The following ZFHX3 variants were observed in gnomAD, a reference collection of about 807,000 sequenced individuals.
ZFHX3 encodes the protein zinc finger homeobox protein 3.
A neutral mutation model predicts 279.1 loss-of-function variants in ZFHX3; 42 were observed. The observed-to-expected ratio is 0.15, with a 90% CI of 0.12 to 0.19. ZFHX3 has a LOEUF of 0.19. Among genes scored for constraint, ZFHX3 ranks in the 10% least tolerant of loss-of-function variants. The pLI is 1.00. For missense variants in ZFHX3, 4,981 were observed against 4,754.0 expected (o/e 1.05, Z -1.40); for synonymous variants, 2,293 against 1,957.8 (o/e 1.17, Z -4.52).
At chr16:73,650,449 C>G (rs557171783) in intron 2 of ZFHX3, among the ~76,000 whole-genome samples, 365 of 152,178 alleles carry the variant, frequency 2.4e-3, no homozygotes, top group African/African-American at 8.4e-3. Context: ...CCCTCCTTCA[C>G]TCTCAGGGGA....
chr16:72,880,284 C>G (rs894913327), intron 4 of ZFHX3, among the ~76,000 whole-genome samples: 1 of 152,236 alleles, frequency 6.6e-6, no homozygotes, highest in African/African-American at 2.4e-5. Context: ...ATAGACTGAA[C>G]TGTGGTCCTC....
chr16:73,214,902 G>C (rs913112756), intron 5 of ZFHX3, among the ~76,000 whole-genome samples: 1 of 116,620 alleles, frequency 8.6e-6, no homozygotes, highest in Non-Finnish European at 1.6e-5. Flanking sequence ...TCAGGGTGAA[G>C]AAATCCAAAG....
rs150750800 is a variant in ZFHX3, at chr16:72,793,368, G to C, written c.9314C>G (p.Pro3105Arg). 1.9e-6 allele frequency: 3 copies of C among 1,614,204 alleles called. No homozygotes were observed. Among genetic ancestry groups the C allele is most frequent in the Non-Finnish European group, 8.5e-7 (1 of 1,180,038 alleles). Residue 3105 changes from proline (P) to arginine (R), a missense_variant, in exon 9 of 10, where the codon CCT becomes CGT. By Grantham distance (103) the Pro-to-Arg change is moderately radical. Coordinates refer to ENST00000268489, the MANE Select transcript of ZFHX3 (RefSeq NM_006885.4). The surrounding 1 kb of genome is among the most constrained non-coding windows in gnomAD (Gnocchi z 4.3). ...AQQQGMFDNT[P>R]LQALNLPTAY... ...TGTAGGAAGGTTAAGGGCCTGAAGA[G>C]GGGTGTTGTCAAACATCCCTTGCTG... is the stretch of plus-strand genomic sequence containing the variant.
At position 72,795,213 on chromosome 16, in the gene ZFHX3, G is replaced by A; in HGVS notation, c.7469C>T (p.Pro2490Leu). The change falls in exon 9 of 10, where the codon CCA becomes CTA. Residue 2490 changes from proline to leucine, a missense_variant. Pro to Leu is a moderately conservative substitution (Grantham distance 98). This residue lies in a region of ZFHX3 where 744 missense variants were observed against 701.3 expected (regional missense o/e 1.06). Transcript: ENST00000268489. ...GCTCGACTGGGGTAAGGGGCACTGT[G>A]GAGGGGGCGCTTGTGGAGGAGGCTG... ...LPQPPPQAPP[P>L]QCPLPQSSPS... The A allele has an allele frequency of 1.2e-6, 2 of 1,608,096 alleles. No individual in the cohort carries two copies. The highest frequency in any genetic ancestry group is 2.2e-5 in the South Asian group (2 of 89,958).
At chr16:73,539,137 CT>C (rs575202036) in intron 2 of ZFHX3, among the ~76,000 whole-genome samples, 35 of 147,424 alleles carry the variant, frequency 2.4e-4, no homozygotes, top group East Asian at 2.0e-4. Context: ...TTCTTTCTTT[CT>C]TTTTTTTTTG....
chr16:73,298,499 CGTT>C (rs1203885250), intron 4 of ZFHX3, among the ~76,000 whole-genome samples: 1 of 142,826 alleles, frequency 7.0e-6, no homozygotes, highest in Non-Finnish European at 1.5e-5. Flanking sequence ...ATGTTGTCGT[CGTT>C]TTTTTTTTTT....
rs1315245185 is a variant in ZFHX3, at chr16:72,958,754, C to G, written c.1392G>C (p.Glu464Asp). 1 of 1,614,062 alleles carries G rather than the reference C, an allele frequency of 6.2e-7. No homozygotes were observed. The change falls in exon 2 of 10, where the codon GAG (glutamate) becomes GAC (aspartate). Residue 464 changes from glutamate to aspartate, a missense_variant. Physicochemically the swap from Glu to Asp is conservative, Grantham distance 45 (BLOSUM62 2). Transcript: ENST00000268489. Reference protein sequence around the residue: ...EKVEPAEEEAEEEEEEEEAEE... With the variant: ...EKVEPAEEEADEEEEEEEAEE... ...CCGCCTCTTCCTCCTCCTCTTCCTCCTCCGCCTCCTCTTCGGCTGGCTCTA... is the reference window on the plus strand; with the variant it reads ...CCGCCTCTTCCTCCTCCTCTTCCTCGTCCGCCTCCTCTTCGGCTGGCTCTA...
intron 2 of ZFHX3, chr16:73,554,319 T>C (rs2020243371): frequency 6.6e-6 from 1 of 152,134 alleles, no homozygotes; most frequent in African/African-American, 2.4e-5. Flanking sequence ...CTTCTAAAGG[T>C]TTGCAGCCAT....
Position 72,787,552 on chromosome 16 carries a change from G to A in ZFHX3, c.10724C>T (p.Ser3575Phe), listed in dbSNP as rs2035459127. ...AKEHPSLLPH[S>F]ACFPDPSTAS... ...GGTGCTAGGATCGGGGAAGCAGGCA[G>A]AGTGAGGTAATAAACTAGGGTGCTC... Residue 3575 changes from serine (S) to phenylalanine (F), a missense_variant, in exon 10 of 10, where the codon TCT becomes TTT. By Grantham distance (155) the Ser-to-Phe change is radical. Coordinates refer to ENST00000268489, the MANE Select transcript of ZFHX3 (RefSeq NM_006885.4). 1.2e-6 allele frequency: 2 copies of A among 1,614,082 alleles called. No homozygotes were observed. The highest frequency in any genetic ancestry group is 8.5e-7 in the Non-Finnish European group (1 of 1,179,986).
chr16:72,935,154 C>T (rs1011404472), intron 3 of ZFHX3, among the ~76,000 whole-genome samples: 3 of 152,162 alleles, frequency 2.0e-5, no homozygotes, highest in African/African-American at 7.2e-5. Context: ...AGTCACTGCC[C>T]TAAAGAAGCA....
intron 3 of ZFHX3, among the ~76,000 whole-genome samples, chr16:73,424,523 T>A (rs1401027628): frequency 6.6e-6 from 1 of 151,968 alleles, no homozygotes; most frequent in Non-Finnish European, 1.5e-5. Context: ...GGTGGGAGGT[T>A]CACTTGAGTC....
chr16:72,856,848 G>T (rs1407197252), intron 4 of ZFHX3, among the ~76,000 whole-genome samples: 1 of 152,190 alleles, frequency 6.6e-6, no homozygotes, highest in African/African-American at 2.4e-5. Context: ...TGTCAAGTGA[G>T]TGGGGCCTGG....
At chr16:72,902,731 G>C (rs994016709) in intron 3 of ZFHX3, among the ~76,000 whole-genome samples, 4 of 152,090 alleles carry the variant, frequency 2.6e-5, no homozygotes, top group African/African-American at 9.7e-5. Flanking sequence ...CCCTGAATAT[G>C]AGCACCCTCA....
chr16:73,631,576 G>A (rs1483347504), intron 2 of ZFHX3, among the ~76,000 whole-genome samples: 1 of 152,020 alleles, frequency 6.6e-6, no homozygotes, highest in Non-Finnish European at 1.5e-5. Context: ...TTTTTTCTTT[G>A]TGTTTATATT....
chr16:73,072,175 G>A (rs1432883461), intron 8 of ZFHX3, among the ~76,000 whole-genome samples: 2 of 152,346 alleles, frequency 1.3e-5, no homozygotes, highest in East Asian at 1.9e-4. Flanking sequence ...TGTAGGCCAG[G>A]TGGGGTGGCT....
At chr16:73,619,344 C>T (rs1227823624) in intron 2 of ZFHX3, among the ~76,000 whole-genome samples, 12 of 151,660 alleles carry the variant, frequency 7.9e-5, no homozygotes, top group African/African-American at 2.2e-4. Context: ...AAAAATTAGC[C>T]GGGCATGGTG....
At chr16:73,286,079 A>G (rs2014588223) in intron 4 of ZFHX3, among the ~76,000 whole-genome samples, 1 of 152,172 alleles carries the variant, frequency 6.6e-6, no homozygotes, top group Non-Finnish European at 1.5e-5. Context: ...CATTTCTGGA[A>G]GGGACTTCAT....
intron 1 of ZFHX3, among the ~76,000 whole-genome samples, chr16:73,000,095 G>A (rs1269188218): frequency 6.6e-6 from 1 of 152,204 alleles, no homozygotes; most frequent in Non-Finnish European, 1.5e-5. Context: ...TAGAAATGCA[G>A]AGAGCTGCTC....
chr16:73,235,882 G>C (rs1257768739), intron 5 of ZFHX3, among the ~76,000 whole-genome samples: 1 of 152,028 alleles, frequency 6.6e-6, no homozygotes, highest in Admixed American at 6.6e-5. Flanking sequence ...TGTTGCCCAG[G>C]CTAGTCTTGA....
Sources: allele counts gnomAD v4.1 joint callset (sites outside exome capture counted in the v4.1 genomes callset), GRCh38; gene constraint gnomAD v4.1.1; regional missense constraint gnomAD v4.1.1; non-coding constraint Gnocchi (gnomAD v3.1); transcripts MANE v1.5; gene names NCBI Gene and HGNC (gene_info 2026-07-23, HGNC 2026-07-21).